The following TUSC3 variants were observed in gnomAD, a reference collection of about 807,000 sequenced individuals.
The protein encoded by TUSC3 is tumor suppressor candidate 3, also known as dolichyl-diphosphooligosaccharide--protein glycosyltransferase subunit TUSC3.
In TUSC3, 45 loss-of-function variants were observed where a neutral mutation model predicts 44.8. That is an observed-to-expected ratio of 1.00 (90% confidence interval 0.79 to 1.29). The LOEUF is 1.29. Ranked by LOEUF, TUSC3 falls within the 50% of genes most tolerant of loss-of-function variation. The probability of loss-of-function intolerance (pLI) is 0.00; values close to 1 mark genes in which losing one functional copy is unlikely to be tolerated. For synonymous variants in TUSC3, 212 were observed against 152.9 expected (o/e 1.39, Z -2.85); for missense variants, 519 against 437.9 (o/e 1.19, Z -1.65).
chr8:15,778,293 T>C, the TUSC3 span, among the ~76,000 whole-genome samples: 1 of 152,138 alleles, frequency 6.6e-6, no homozygotes, highest in African/African-American at 2.4e-5. Context: ...GGTGAGAGTA[T>C]TACCAGTACT....
chr8:15,421,916 C>T (rs147991712), intron 1 of TUSC3, among the ~76,000 whole-genome samples: 61 of 152,192 alleles, frequency 4.0e-4, no homozygotes, highest in African/African-American at 1.3e-3. Context: ...ATCTTGAATT[C>T]AATTGTTTTC....
At chr8:15,526,531 C>T (rs1210175807) in intron 2 of TUSC3, among the ~76,000 whole-genome samples, 1 of 152,094 alleles carries the variant, frequency 6.6e-6, no homozygotes, top group Non-Finnish European at 1.5e-5. Context: ...CCATACTGTT[C>T]TCCTGGTGGT....
intron 2 of TUSC3, among the ~76,000 whole-genome samples, chr8:15,630,166 C>A: frequency 6.6e-6 from 1 of 151,998 alleles, no homozygotes; most frequent in East Asian, 1.9e-4. Flanking sequence ...TACTATGGAT[C>A]AGTAGATTTA....
intron 1 of TUSC3, among the ~76,000 whole-genome samples, chr8:15,418,532 A>G (rs994349842): frequency 5.3e-5 from 8 of 152,222 alleles, no homozygotes; most frequent in African/African-American, 1.9e-4. Flanking sequence ...TAGAGAGCGA[A>G]AAAATTAGAA....
In TUSC3 at chr8:15,644,659, G is replaced by A. The variant is rs1806543800; in HGVS notation, c.309-6038G>A. Among the ~76,000 whole-genome samples, 4 of 152,020 alleles carry A rather than the reference G, an allele frequency of 2.6e-5. No homozygotes were observed. The South Asian group carries it at 8.3e-4, about 32-fold the overall frequency. On this transcript the variant is annotated intron_variant, in intron 2 of 10. Transcript: ENST00000503731. ...GGCGCATAAGGGATAATGGGGGTAA[G>A]TATGCATAGGGTCTTTGTTATTGGG...
the TUSC3 span, among the ~76,000 whole-genome samples, chr8:15,811,925 G>C: frequency 6.6e-6 from 1 of 151,768 alleles, no homozygotes; most frequent in African/African-American, 2.4e-5. Flanking sequence ...AAAAAAAACA[G>C]TAATAAGTAT....
At chr8:15,570,304 T>A (rs1023160864) in intron 1 of TUSC3, among the ~76,000 whole-genome samples, 32 of 127,318 alleles carry the variant, frequency 2.5e-4, no homozygotes, top group Non-Finnish European at 4.9e-4. Context: ...ACACACACAC[T>A]CTTACTGAAA....
chr8:15,654,406 AAGAT>A (rs1455936457), intron 3 of TUSC3, among the ~76,000 whole-genome samples: 3 of 152,160 alleles, frequency 2.0e-5, no homozygotes, highest in African/African-American at 7.2e-5. Flanking sequence ...AGAATGGAAT[AAGAT>A]AGACTCCTGA....
intron 2 of TUSC3, among the ~76,000 whole-genome samples, chr8:15,522,453 G>C (rs569921231): frequency 1.3e-4 from 19 of 151,936 alleles, no homozygotes; most frequent in African/African-American, 4.6e-4. Flanking sequence ...GGTTGGTCTT[G>C]AACTCCCGAA....
chr8:15,631,708 GTTT>G (rs1288654661), intron 2 of TUSC3, among the ~76,000 whole-genome samples: 5 of 126,200 alleles, frequency 4.0e-5, no homozygotes, highest in African/African-American at 1.2e-4. Flanking sequence ...GTGTGTGTGT[GTTT>G]TGTTTTGTTT....
chr8:15,722,054 C>G (rs1264246883), intron 6 of TUSC3, among the ~76,000 whole-genome samples: 1 of 152,018 alleles, frequency 6.6e-6, no homozygotes, highest in Non-Finnish European at 1.5e-5. Context: ...TGCTGAAACA[C>G]AATTGATTCC....
At chr8:15,505,378 C>T (rs1801038581) in intron 2 of TUSC3, among the ~76,000 whole-genome samples, 1 of 152,204 alleles carries the variant, frequency 6.6e-6, no homozygotes, top group South Asian at 2.1e-4. Context: ...TGTCATTTTT[C>T]AGGTTTGTAC....
chr8:15,508,642 T>C (rs978619071), intron 2 of TUSC3, among the ~76,000 whole-genome samples: 2 of 151,952 alleles, frequency 1.3e-5, no homozygotes, highest in African/African-American at 2.4e-5. Flanking sequence ...TTTGTATTTT[T>C]AGTAGAGACC....
intron 1 of TUSC3, among the ~76,000 whole-genome samples, chr8:15,615,950 G>A (rs1229021799): frequency 1.3e-5 from 2 of 152,190 alleles, no homozygotes; most frequent in Non-Finnish European, 2.9e-5. Context: ...TCTGGACTCA[G>A]CCTCTTGAGT....
the TUSC3 span, among the ~76,000 whole-genome samples, chr8:15,839,201 T>G: frequency 6.6e-6 from 1 of 152,340 alleles, no homozygotes; most frequent in East Asian, 1.9e-4. Context: ...TTTTTGCACA[T>G]TGATTTTATA....
chr8:15,748,800 C>T (rs1811535465), intron 9 of TUSC3: 2 of 509,704 alleles, frequency 3.9e-6, no homozygotes, highest in Non-Finnish European at 7.8e-6. Context: ...ATTGTTTTCT[C>T]ATATAATTCA....
At chr8:15,689,557 C>A in intron 6 of TUSC3, 1 of 164,160 alleles carries the variant, frequency 6.1e-6, no homozygotes, top group East Asian at 1.9e-4. Flanking sequence ...TGTTGCTCAG[C>A]CATGTCGTGC....
chr8:15,774,917 G>C, the TUSC3 span, among the ~76,000 whole-genome samples: 2 of 152,180 alleles, frequency 1.3e-5, no homozygotes, highest in Admixed American at 6.5e-5. Context: ...CAAATTAGTA[G>C]TTCTTTAATG....
intron 2 of TUSC3, among the ~76,000 whole-genome samples, chr8:15,648,039 T>G (rs1309391541): frequency 6.6e-6 from 1 of 152,218 alleles, no homozygotes; most frequent in East Asian, 1.9e-4. Flanking sequence ...AGACTTAATC[T>G]CCTTTAATTG....
Sources: allele counts gnomAD v4.1 joint callset (sites outside exome capture counted in the v4.1 genomes callset), GRCh38; gene constraint gnomAD v4.1.1; transcripts MANE v1.5; gene names NCBI Gene and HGNC (gene_info 2026-07-23, HGNC 2026-07-21).